LIX1: variants seen among roughly 807,000 people sequenced by gnomAD.
The protein encoded by LIX1 is limb and CNS expressed 1, also known as protein limb expression 1 homolog.
A neutral mutation model predicts 33.4 loss-of-function variants in LIX1; 24 were observed. That is an observed-to-expected ratio of 0.72 (90% CI 0.52 to 1.01). The LOEUF (loss-of-function observed/expected upper bound fraction) is 1.01, where lower values mean the gene tolerates loss of function less well. Among genes scored for constraint, LIX1 ranks in the 50% least tolerant of loss-of-function variants. The pLI is 0.00. For missense variants in LIX1, 311 were observed against 339.2 expected, an observed-to-expected ratio of 0.92 and a Z score of 0.65; for synonymous variants, 124 against 124.0, an observed-to-expected ratio of 1.00 and a Z score of 0.00.
chr5:97,136,918 C>T (rs558835036), intron 1 of LIX1, among the ~76,000 whole-genome samples: 41 of 151,762 alleles, frequency 2.7e-4, no homozygotes, highest in African/African-American at 9.7e-4. Context: ...CTTACATGGG[C>T]ATTTGAACAT....
chr5:97,123,641 T>C (rs1365893061), intron 2 of LIX1, among the ~76,000 whole-genome samples: 2 of 152,232 alleles, frequency 1.3e-5, no homozygotes, highest in African/African-American at 2.4e-5. Flanking sequence ...TACATCACTC[T>C]TCTGCTCAGA....
chr5:97,126,101 C>G (rs1747913214), intron 1 of LIX1, among the ~76,000 whole-genome samples: 2 of 152,248 alleles, frequency 1.3e-5, no homozygotes, highest in African/African-American at 4.8e-5. Context: ...CAGGTGGCAT[C>G]TCTCACATGC....
In LIX1 at chr5:97,111,836, C is replaced by G. The variant is rs116831103; in HGVS notation, c.247-4336G>C. On this transcript the variant is annotated intron_variant, in intron 2 of 5. Transcript: ENST00000274382. ...CTGCTCGGGAGATCAAAGTGCAGCC[C>G]GGCTGAGAGAACAGAAAGAGCCTTT... Among the ~76,000 whole-genome samples the G allele has an allele frequency of 9.4e-3, 1,436 of 152,172 alleles. 28 individuals carry two copies. The highest frequency in any genetic ancestry group is 0.033 in the African/African-American group (1,373 of 41,526).
chr5:97,133,313 C>T (rs1748105013), intron 1 of LIX1, among the ~76,000 whole-genome samples: 3 of 152,218 alleles, frequency 2.0e-5, no homozygotes, highest in Admixed American at 2.0e-4. Context: ...CTAACCACAC[C>T]ATGCCTCAGT....
chr5:97,109,409 A>G (rs1484909850), intron 2 of LIX1, among the ~76,000 whole-genome samples: 1 of 152,050 alleles, frequency 6.6e-6, no homozygotes, highest in Non-Finnish European at 1.5e-5. Context: ...ACTTGGCACC[A>G]TACCTGGCTA....
chr5:97,095,079 C>G (rs1459452314), intron 5 of LIX1, 44 bp from the exon 6 acceptor site: 1 of 1,574,100 alleles, frequency 6.4e-7, no homozygotes, highest in Non-Finnish European at 8.7e-7. Flanking sequence ...TAAAAAGCAA[C>G]AAAGGCACCC....
chr5:97,092,801 A>T lies in LIX1; in HGVS notation c.*1947T>A, dbSNP rs1158997160. On this transcript the variant is annotated 3_prime_UTR_variant, in exon 6 of 6. Coordinates refer to ENST00000274382, the MANE Select transcript of LIX1 (RefSeq NM_153234.5). ...TGCAGTAAAGGTGTGCCTAACTTTC[A>T]TCACATCCAGCATGGGAAATTGTGG... The T allele has an allele frequency of 6.6e-6, 1 of 152,370 alleles. No individual in the cohort carries two copies. The highest frequency in any genetic ancestry group is 1.5e-5 in the Non-Finnish European group (1 of 68,036). 9.4% of individuals were successfully genotyped at this position (152,370 alleles called of 1,614,324 possible).
At chr5:97,112,798 TAAAAAA>T (rs534869921) in intron 2 of LIX1, among the ~76,000 whole-genome samples, 1 of 108,346 alleles carries the variant, frequency 9.2e-6, no homozygotes, top group Admixed American at 9.8e-5. Context: ...AAAATTAAAG[TAAAAAA>T]AAAAAAAAAA....
chr5:97,111,008 T>A (rs1747360704), intron 2 of LIX1, among the ~76,000 whole-genome samples: 1 of 152,176 alleles, frequency 6.6e-6, no homozygotes, highest in South Asian at 2.1e-4. Flanking sequence ...GAGTCACCAA[T>A]CTTTCACTGA....
intron 1 of LIX1, among the ~76,000 whole-genome samples, chr5:97,127,942 A>G (rs1178284200): frequency 6.6e-6 from 1 of 152,058 alleles, no homozygotes; most frequent in African/African-American, 2.4e-5. Context: ...TTGTTCTCTT[A>G]GTCACTCCCA....
intron 4 of LIX1, among the ~76,000 whole-genome samples, chr5:97,099,966 A>G (rs1746606965): frequency 6.6e-6 from 1 of 152,186 alleles, no homozygotes; most frequent in Non-Finnish European, 1.5e-5. Flanking sequence ...CTATCTTGGC[A>G]TTGTTCTTGC....
chr5:97,115,681 C>T (rs538252949), intron 2 of LIX1, among the ~76,000 whole-genome samples: 1 of 151,100 alleles, frequency 6.6e-6, no homozygotes, highest in South Asian at 2.1e-4. Context: ...GTATAAAACA[C>T]ATTTTAGGCA....
intron 2 of LIX1, among the ~76,000 whole-genome samples, chr5:97,113,780 A>C (rs965398531): frequency 1.3e-5 from 2 of 152,224 alleles, no homozygotes; most frequent in African/African-American, 4.8e-5. Flanking sequence ...AAATCAGTAC[A>C]GTATTTTAGA....
At chr5:97,114,515 G>C (rs756348739) in intron 2 of LIX1, among the ~76,000 whole-genome samples, 45 of 152,142 alleles carry the variant, frequency 3.0e-4, no homozygotes, top group Non-Finnish European at 1.6e-4. Flanking sequence ...CCTAGGCCGG[G>C]AGTTTGGACC....
chr5:97,097,575 A>C (rs1746454838), intron 4 of LIX1, among the ~76,000 whole-genome samples: 1 of 152,224 alleles, frequency 6.6e-6, no homozygotes, highest in South Asian at 2.1e-4. Context: ...CAGGAGTAGG[A>C]GGGAGACCTT....
At chr5:97,098,672 C>T (rs1746519109) in intron 4 of LIX1, among the ~76,000 whole-genome samples, 1 of 152,102 alleles carries the variant, frequency 6.6e-6, no homozygotes, top group Non-Finnish European at 1.5e-5. Flanking sequence ...ATTGATTGAG[C>T]CCAAGAGTTT....
intron 2 of LIX1, among the ~76,000 whole-genome samples, chr5:97,110,121 A>C (rs1747299524): frequency 6.6e-6 from 1 of 152,174 alleles, no homozygotes; most frequent in Non-Finnish European, 1.5e-5. Flanking sequence ...TGCTGGATCA[A>C]ATGGTAGTTC....
At chr5:97,129,880 A>G (rs1748016725) in intron 1 of LIX1, among the ~76,000 whole-genome samples, 1 of 152,232 alleles carries the variant, frequency 6.6e-6, no homozygotes, top group Admixed American at 6.5e-5. Context: ...GCCTTCCCCA[A>G]GAATTGCTTC....
At chr5:97,127,010 C>G (rs1394528451) in intron 1 of LIX1, among the ~76,000 whole-genome samples, 1 of 152,156 alleles carries the variant, frequency 6.6e-6, no homozygotes, top group East Asian at 1.9e-4. Context: ...ACTATTATTT[C>G]TGTCCCCTAC....
Sources: gnomAD v4.1 joint callset for allele counts (sites outside exome capture counted in the v4.1 genomes callset) on GRCh38, gnomAD v4.1.1 for gene constraint, MANE v1.5 for transcripts, NCBI Gene and HGNC (gene_info 2026-07-23, HGNC 2026-07-21) for gene names.